The following AOPEP variants were observed in gnomAD, a reference collection of about 807,000 sequenced individuals.
The protein encoded by AOPEP is aminopeptidase O.
In AOPEP, 77 loss-of-function variants were observed where a neutral mutation model predicts 98.1. The ratio of observed to expected loss-of-function variants is 0.78; its 90% CI spans 0.65 to 0.95. The LOEUF is 0.95. Among genes scored for constraint, AOPEP ranks in the 40% least tolerant of loss-of-function variants. The pLI is 0.00. For synonymous variants in AOPEP, 346 were observed against 365.3 expected, an observed-to-expected ratio of 0.95 and a Z score of 0.60; for missense variants, 1,024 against 1,024.7, an observed-to-expected ratio of 1.00 and a Z score of 0.01.
In AOPEP at chr9:95,055,830, G is replaced by T. The variant is rs112150620; in HGVS notation, c.2116-4864G>T. On this transcript the variant is annotated intron_variant, in intron 13 of 16. Transcript: ENST00000375315. ...ACTTTCAAAGGACCCTGCTTGTGTT[G>T]AATTTCAGCCAGCAAGTCTCCAGCA... Among the ~76,000 whole-genome samples the T allele has an allele frequency of 8.5e-5, 13 of 152,298 alleles. 2 individuals carry two copies. The highest frequency in any genetic ancestry group is 3.1e-4 in the African/African-American group (13 of 41,578).
chr9:95,111,013 T>C, the AOPEP span: 1 of 1,436,588 alleles, frequency 7.0e-7, no homozygotes, highest in African/African-American at 1.4e-5. Context: ...ATCTGTTGAC[T>C]GATCCAAGAA....
chr9:95,027,738 A>G (rs1267904418), intron 13 of AOPEP, among the ~76,000 whole-genome samples: 1 of 152,198 alleles, frequency 6.6e-6, no homozygotes, highest in Non-Finnish European at 1.5e-5. Flanking sequence ...GCCTTGCAAA[A>G]GTTGTGCAGG....
At chr9:94,876,017 AAGG>A (rs1177029666) in intron 5 of AOPEP, among the ~76,000 whole-genome samples, 4 of 152,244 alleles carry the variant, frequency 2.6e-5, no homozygotes, top group African/African-American at 7.2e-5. Context: ...TCAAAAGAGC[AAGG>A]AGTTCACAAG....
intron 13 of AOPEP, among the ~76,000 whole-genome samples, chr9:95,052,582 T>C (rs2066474023): frequency 6.6e-6 from 1 of 152,220 alleles, no homozygotes; most frequent in Non-Finnish European, 1.5e-5. Flanking sequence ...ACCAGGAATA[T>C]AGGGCTGTAT....
chr9:94,739,889 G>A (rs1587978393), intron 1 of AOPEP, among the ~76,000 whole-genome samples: 1 of 152,270 alleles, frequency 6.6e-6, no homozygotes, highest in South Asian at 2.1e-4. Context: ...CCCATCTTGA[G>A]GGTGGAGTTT....
In AOPEP at chr9:94,923,163, T is replaced by C. The variant is rs375699040; in HGVS notation, c.1365-823T>C. Reference sequence around the variant, plus strand: ...GCTGAAGGAGGAGGCATGGAAGATATTTGATGGGCCTCTTTCGTCAGCTCC... The same window carrying C: ...GCTGAAGGAGGAGGCATGGAAGATACTTGATGGGCCTCTTTCGTCAGCTCC... On this transcript the variant is annotated intron_variant, in intron 5 of 16. Transcript: ENST00000375315. 2.0e-4 allele frequency among the ~76,000 whole-genome samples: 31 copies of C among 152,286 alleles called. 1 individual carries two copies. The East Asian group carries it at 5.0e-3, about 25-fold the overall frequency.
At position 94,760,131 on chromosome 9, in the gene AOPEP, T is replaced by G. The variant is rs1185832613; in HGVS notation, c.348T>G (p.His116Gln). 6.2e-7 allele frequency: 1 copy of G among 1,614,086 alleles called. No individual in the cohort carries two copies. The highest frequency in any genetic ancestry group is 1.7e-5 in the Admixed American group (1 of 60,010). ...ATACTTCTGATAAAGATGGTAACCATGACAACCAGGAACATGCTTCTGGGA... is the reference window on the plus strand; with the variant it reads ...ATACTTCTGATAAAGATGGTAACCAGGACAACCAGGAACATGCTTCTGGGA... ...EKDTSDKDGN[H>Q]DNQEHASGIS... The change falls in exon 2 of 17, where the codon CAT becomes CAG. Residue 116 changes from histidine to glutamine, a missense_variant. Physicochemically the swap from His to Gln is conservative, Grantham distance 24. This residue lies in a region of AOPEP where 440 missense variants were observed against 433.8 expected (regional missense o/e 1.01). Coordinates refer to ENST00000375315, the MANE Select transcript of AOPEP (RefSeq NM_001193329.3).
At chr9:95,107,109 C>G in the AOPEP span, 4 of 1,614,162 alleles carry the variant, frequency 2.5e-6, no homozygotes, top group South Asian at 4.4e-5. Context: ...TCCAGGAGCC[C>G]AGAGCAGGAA....
At chr9:95,086,447 T>G (rs754990670) in intron 16 of AOPEP, 3 of 985,384 alleles carry the variant, frequency 3.0e-6, no homozygotes, top group Non-Finnish European at 3.6e-6. Context: ...CTAGCAGCTA[T>G]TGTGTACGCA....
the AOPEP span, among the ~76,000 whole-genome samples, chr9:95,092,747 C>G: frequency 6.6e-6 from 1 of 152,180 alleles, no homozygotes; most frequent in Non-Finnish European, 1.5e-5. Flanking sequence ...CCAGAAAGTT[C>G]CTTTCTGCTC....
chr9:94,935,589 T>G (rs1247443195), intron 7 of AOPEP, among the ~76,000 whole-genome samples: 1 of 151,988 alleles, frequency 6.6e-6, no homozygotes, highest in South Asian at 2.1e-4. Context: ...GTTGGAAAAA[T>G]GTACAGTCCC....
At chr9:95,034,531 T>A (rs2064606657) in intron 13 of AOPEP, among the ~76,000 whole-genome samples, 1 of 152,234 alleles carries the variant, frequency 6.6e-6, no homozygotes, top group Non-Finnish European at 1.5e-5. Context: ...GGGCTGAGGT[T>A]GAAGCAATTT....
At position 94,924,143 on chromosome 9, in the gene AOPEP, T is replaced by A. The variant is rs917140915; in HGVS notation, c.1522T>A (p.Leu508Met). 1.2e-5 allele frequency: 18 copies of A among 1,466,272 alleles called. No homozygotes were observed. The highest frequency in any genetic ancestry group is 1.6e-5 in the Non-Finnish European group (18 of 1,102,562). 90.8% of individuals were successfully genotyped at this position (1,466,272 alleles called of 1,614,324 possible). A position where few individuals can be genotyped will look rare whatever the true frequency, so the allele number is the denominator to read the frequency against. Residue 508 changes from leucine to methionine, a missense_variant, in exon 6 of 17, where the codon TTG becomes ATG. Leu to Met is a conservative substitution (Grantham distance 15). Coordinates refer to ENST00000375315, the MANE Select transcript of AOPEP (RefSeq NM_001193329.3). The stretch of plus-strand genomic sequence containing the variant: ...GCTGAGTGAAGGCTTCGCCACTCAC[T>A]TGGAGGATGTGTTTTGGGCCACAGC... ...EWLSEGFATH[L>M]EDVFWATAQQ...
intron 7 of AOPEP, chr9:94,932,369 T>C: frequency 1.3e-6 from 1 of 744,558 alleles, no homozygotes; most frequent in Non-Finnish European, 1.6e-6. Flanking sequence ...TTTGTTTGGC[T>C]CTGACTTACT....
rs201288393 is a variant in AOPEP at position 94,930,120 on chromosome 9, G to A, written c.1661+1589G>A. The stretch of plus-strand genomic sequence containing the variant: ...TGTGTGGAGAGCACCACAGGCAGCC[G>A]ACGGAAAGCCAGGAGAACGGTTGCA... On this transcript the variant is annotated intron_variant, in intron 7 of 16. Transcript: ENST00000375315. This position sits in a 1 kb window ranked among gnomAD's most constrained non-coding sequence, Gnocchi z 4.5. 1.4e-4 allele frequency among the ~76,000 whole-genome samples: 21 copies of A among 152,332 alleles called. No homozygotes were observed. In the East Asian group the frequency reaches 2.3e-3, roughly 17 times the overall value.
chr9:95,003,015 G>A (rs1353509749), intron 11 of AOPEP, among the ~76,000 whole-genome samples: 2 of 152,214 alleles, frequency 1.3e-5, no homozygotes, highest in African/African-American at 4.8e-5. Flanking sequence ...GCCGGAAACC[G>A]TTAGGTTATC....
At chr9:94,822,009 A>ACACACACACACG (rs1554726861) in intron 5 of AOPEP, among the ~76,000 whole-genome samples, 24 of 149,882 alleles carry the variant, frequency 1.6e-4, no homozygotes, top group African/African-American at 2.5e-4. Flanking sequence ...ACACACACAC[A>ACACACACACACG]CACGCAGGCA....
chr9:95,145,735 T>A, the AOPEP span, among the ~76,000 whole-genome samples: 120 of 152,096 alleles, frequency 7.9e-4, no homozygotes, highest in African/African-American at 2.7e-3. Flanking sequence ...GGCCTGACTA[T>A]GTGAGAACTG....
chr9:94,853,040 C>G (rs548612946), intron 5 of AOPEP, among the ~76,000 whole-genome samples: 1 of 152,234 alleles, frequency 6.6e-6, no homozygotes, highest in Admixed American at 6.5e-5. Flanking sequence ...ACTATAGTGA[C>G]TAGGACCACA....
Sources: allele counts gnomAD v4.1 joint callset (sites outside exome capture counted in the v4.1 genomes callset), GRCh38; gene constraint gnomAD v4.1.1; regional missense constraint gnomAD v4.1.1; non-coding constraint Gnocchi (gnomAD v3.1); transcripts MANE v1.5; gene names NCBI Gene and HGNC (gene_info 2026-07-23, HGNC 2026-07-21).